Variants in ABCC1 observed in about 807,000 individuals in gnomAD.
ABCC1 encodes multidrug resistance-associated protein 1.
In ABCC1, 83 loss-of-function variants were observed where a neutral mutation model predicts 172.9. The ratio of observed to expected loss-of-function variants is 0.48; its 90% CI spans 0.40 to 0.58. The LOEUF is 0.58. Among genes scored for constraint, ABCC1 ranks in the 20% least tolerant of loss-of-function variants. ABCC1 has a pLI of 0.00. For missense variants in ABCC1, 1,817 were observed against 2,002.7 expected, an observed-to-expected ratio of 0.91 and a Z score of 1.77; for synonymous variants, 937 against 825.2, an observed-to-expected ratio of 1.14 and a Z score of -2.32.
chr16:16,090,633 C>CCTCT, intron 19 of ABCC1, 45 bp downstream of exon 19: 1 of 1,507,988 alleles, frequency 6.6e-7, no homozygotes, highest in Non-Finnish European at 8.9e-7. Flanking sequence ...TGTCTGGCAC[C>CCTCT]TTGAAGGGCC....
chr16:16,116,354 C>A (rs1388465778), intron 23 of ABCC1, among the ~76,000 whole-genome samples: 1 of 152,156 alleles, frequency 6.6e-6, no homozygotes, highest in African/African-American at 2.4e-5. Context: ...TCTGCAGGCA[C>A]ACATTCTAAG....
intron 20 of ABCC1, among the ~76,000 whole-genome samples, chr16:16,106,170 C>G (rs977225696): frequency 6.6e-6 from 1 of 152,030 alleles, no homozygotes; most frequent in Non-Finnish European, 1.5e-5. Context: ...AGCCACTGCA[C>G]CTGGCCAAAT....
chr16:16,096,334 C>A (rs780073055), intron 19 of ABCC1, among the ~76,000 whole-genome samples: 3 of 152,084 alleles, frequency 2.0e-5, no homozygotes. Context: ...TTCACCTGTC[C>A]TTCCTTCCTA....
intron 19 of ABCC1, chr16:16,094,208 C>T (rs1235089951): frequency 3.6e-6 from 1 of 277,536 alleles, no homozygotes; most frequent in Admixed American, 3.8e-5. Flanking sequence ...CTCTGTAGGT[C>T]CGGCGACGCA....
At chr16:16,005,138 A>G (rs1414689284) in intron 1 of ABCC1, among the ~76,000 whole-genome samples, 1 of 144,602 alleles carries the variant, frequency 6.9e-6, no homozygotes, top group Non-Finnish European at 1.5e-5. Flanking sequence ...TTGACACTCC[A>G]TGGGGGTCTC....
rs769153472 is a variant in ABCC1 at position 16,114,759 on chromosome 16, T to C, written c.3080-7T>C. On this transcript the variant is annotated splice_region_variant and splice_polypyrimidine_tract_variant and intron_variant, in intron 22 of 30. Transcript: ENST00000399410. Reference sequence around the variant, plus strand: ...CATTGTGGAGTTTTAACTCCGAGTGTCTGCAGGGATCGCCGTGTTTGGCTA... The same window carrying C: ...CATTGTGGAGTTTTAACTCCGAGTGCCTGCAGGGATCGCCGTGTTTGGCTA... 1.1e-5 allele frequency: 17 copies of C among 1,585,232 alleles called. No individual in the cohort carries two copies. The highest frequency in any genetic ancestry group is 1.5e-5 in the Non-Finnish European group (17 of 1,160,016).
chr16:16,017,311 G>C (rs2048036761), intron 5 of ABCC1, among the ~76,000 whole-genome samples: 3 of 151,766 alleles, frequency 2.0e-5, no homozygotes, highest in Admixed American at 6.6e-5. Context: ...GCTCACTGTA[G>C]TCTTGACCTC....
chr16:16,132,011 G>T, intron 27 of ABCC1, 76 bp downstream of exon 27: 1 of 1,548,152 alleles, frequency 6.5e-7, no homozygotes, highest in Non-Finnish European at 8.8e-7. Context: ...GAACCTAGCT[G>T]CAGCGTCTCC....
At chr16:15,987,387 G>C (rs912512343) in intron 1 of ABCC1, among the ~76,000 whole-genome samples, 1 of 152,182 alleles carries the variant, frequency 6.6e-6, no homozygotes, top group East Asian at 1.9e-4. Flanking sequence ...GCCTGACGAG[G>C]GGTGTGTTGG....
At chr16:16,114,045 C>G (rs1340592959) in intron 22 of ABCC1, among the ~76,000 whole-genome samples, 2 of 152,184 alleles carry the variant, frequency 1.3e-5, no homozygotes, top group Non-Finnish European at 2.9e-5. Flanking sequence ...CGGTCATGAG[C>G]TGCTGCCAAT....
intron 12 of ABCC1, among the ~76,000 whole-genome samples, chr16:16,064,907 C>T (rs1232583098): frequency 6.6e-6 from 1 of 152,236 alleles, no homozygotes; most frequent in East Asian, 1.9e-4. Context: ...TAGAGAAAGC[C>T]ATCCTAAGTG....
chr16:16,062,131 G>T (rs1596446331), intron 12 of ABCC1, among the ~76,000 whole-genome samples: 1 of 152,198 alleles, frequency 6.6e-6, no homozygotes, highest in South Asian at 2.1e-4. Context: ...GAGGGCGCTG[G>T]TGATGAGGTT....
At chr16:16,012,565 G>A (rs1486604709) in intron 3 of ABCC1, among the ~76,000 whole-genome samples, 1 of 149,402 alleles carries the variant, frequency 6.7e-6, no homozygotes. Flanking sequence ...AAACTCCCGA[G>A]CCCAAGTGAT....
Position 16,090,390 on chromosome 16 carries a change from C to T in ABCC1, c.2461-15C>T, listed in dbSNP as rs370635897. ...CATGTGCACTCACGTGGCCGGGTGT[C>T]CCCTTTGCCCACAGACGCGGATCTT... is the stretch of plus-strand genomic sequence containing the variant. On this transcript the variant is annotated splice_polypyrimidine_tract_variant and intron_variant, in intron 18 of 30. Transcript: ENST00000399410. 1.3e-6 allele frequency: 2 copies of T among 1,570,924 alleles called. No homozygotes were observed. The highest frequency in any genetic ancestry group is 2.3e-5 in the East Asian group (1 of 43,990).
At chr16:16,098,896 G>T in intron 19 of ABCC1, 1 of 1,352,126 alleles carries the variant, frequency 7.4e-7, no homozygotes, top group Non-Finnish European at 9.8e-7. Context: ...GGACGAGGAG[G>T]AAGCAGGTCA....
chr16:15,965,539 A>G (rs1567276678), intron 1 of ABCC1, among the ~76,000 whole-genome samples: 1 of 151,872 alleles, frequency 6.6e-6, no homozygotes, highest in Admixed American at 6.6e-5. Flanking sequence ...TGATCTGCCC[A>G]CTTCGGCCTC....
intron 21 of ABCC1, among the ~76,000 whole-genome samples, chr16:16,110,105 T>A (rs1413545762): frequency 1.4e-5 from 2 of 147,150 alleles, no homozygotes; most frequent in Non-Finnish European, 3.0e-5. Context: ...TTTAACTCCT[T>A]TTTTTTTTTT....
At chr16:16,053,047 G>T (rs1348017463) in intron 11 of ABCC1, among the ~76,000 whole-genome samples, 1 of 152,146 alleles carries the variant, frequency 6.6e-6, no homozygotes, top group Non-Finnish European at 1.5e-5. Context: ...AGCTTCCCAG[G>T]TCATTATATT....
rs140611479 is a variant in ABCC1, at chr16:15,972,368, A to G, written c.48+22569A>G. On this transcript the variant is annotated intron_variant, in intron 1 of 30. Transcript: ENST00000399410. ...TAAGCAGAAAGGTATTCATTTGTTT[A>G]TTTTTTACATGTCAGGAATTCCAGT... Among the ~76,000 whole-genome samples the G allele has an allele frequency of 3.9e-3, 587 of 152,128 alleles. 1 individual carries two copies. The highest frequency in any genetic ancestry group is 0.013 in the African/African-American group (522 of 41,498).
Sources: gnomAD v4.1 joint callset for allele counts (sites outside exome capture counted in the v4.1 genomes callset) on GRCh38, gnomAD v4.1.1 for gene constraint, MANE v1.5 for transcripts, NCBI Gene and HGNC (gene_info 2026-07-23, HGNC 2026-07-21) for gene names.